Variants in KIFAP3 observed in about 807,000 individuals in gnomAD.
The protein encoded by KIFAP3 is kinesin-associated protein 3.
A neutral mutation model predicts 106.5 loss-of-function variants in KIFAP3; 68 were observed. The observed-to-expected ratio is 0.64, with a 90% CI of 0.53 to 0.78. The LOEUF (loss-of-function observed/expected upper bound fraction) is 0.78. Among genes scored for constraint, KIFAP3 ranks in the 30% least tolerant of loss-of-function variants. The pLI is 0.00. For missense variants in KIFAP3, 780 were observed against 941.8 expected (o/e 0.83, Z 2.25); for synonymous variants, 320 against 311.5 (o/e 1.03, Z -0.29).
In KIFAP3 at chr1:170,059,570, C is replaced by T. The variant is rs1019081958; in HGVS notation, c.33-4134G>A. ...GTCCAGGACCAGATGGATTCACAGC[C>T]GAATTCTACCAGAGGTACAAGGAGG... On this transcript the variant is annotated intron_variant, in intron 1 of 19. Transcript: ENST00000361580. 1.6e-4 allele frequency among the ~76,000 whole-genome samples: 24 copies of T among 152,046 alleles called. 1 individual carries two copies. The highest frequency in any genetic ancestry group is 3.1e-4 in the Non-Finnish European group (21 of 68,020).
chr1:170,075,311 A>T (rs1671877703), upstream of KIFAP3, among the ~76,000 whole-genome samples: 2 of 152,176 alleles, frequency 1.3e-5, no homozygotes, highest in Admixed American at 6.5e-5. Context: ...ATCTATTCCC[A>T]TGGGTTCAGC....
chr1:169,979,324 G>A (rs901637079), intron 15 of KIFAP3, among the ~76,000 whole-genome samples: 1 of 152,082 alleles, frequency 6.6e-6, no homozygotes, highest in Non-Finnish European at 1.5e-5. Context: ...AACTGACTGT[G>A]AGAAGAGTGT....
chr1:170,037,567 T>G (rs1571709549), intron 5 of KIFAP3, among the ~76,000 whole-genome samples: 1 of 137,572 alleles, frequency 7.3e-6, no homozygotes, highest in South Asian at 2.3e-4. Context: ...CTGTCTCTAC[T>G]AAAAAAAAAA....
chr1:170,020,529 G>A (rs1668755736), intron 9 of KIFAP3, among the ~76,000 whole-genome samples: 1 of 152,048 alleles, frequency 6.6e-6, no homozygotes, highest in Non-Finnish European at 1.5e-5. Flanking sequence ...CTCACTGCAA[G>A]CTCTGCCTCC....
intron 3 of KIFAP3, among the ~76,000 whole-genome samples, chr1:170,045,604 A>C (rs568251934): frequency 1.3e-5 from 2 of 152,344 alleles, no homozygotes; most frequent in South Asian, 2.1e-4. Flanking sequence ...GTTTCAAAAG[A>C]AACTATAGTA....
rs1428703957 is a variant in KIFAP3, at chr1:170,046,745, G to C, written c.286C>G (p.Leu96Val). The C allele has an allele frequency of 6.3e-6, 10 of 1,595,612 alleles. No individual in the cohort carries two copies. Among genetic ancestry groups the C allele is most frequent in the Non-Finnish European group, 8.5e-6 (10 of 1,170,790 alleles). The change falls in exon 3 of 20, where the codon CTA becomes GTA. Residue 96 changes from leucine (L) to valine (V), a missense_variant. Coordinates refer to ENST00000361580, the MANE Select transcript of KIFAP3 (RefSeq NM_014970.4). ...GACAATGAATCACGGCGGTTCTGTA[G>C]ATAGTACAACAGCTGTTCTACCTCA... Reference protein sequence around the residue: ...LNEVEQLLYYLQNRRDSLSGK... With the variant: ...LNEVEQLLYYVQNRRDSLSGK...
intron 19 of KIFAP3, among the ~76,000 whole-genome samples, chr1:169,934,050 GTTA>G (rs2101792733): frequency 6.6e-6 from 1 of 152,230 alleles, no homozygotes; most frequent in African/African-American, 2.4e-5. Context: ...ATTTGGTGGT[GTTA>G]TTGTTATGAC....
At chr1:170,054,346 T>C (rs2102118175) in intron 2 of KIFAP3, among the ~76,000 whole-genome samples, 1 of 152,228 alleles carries the variant, frequency 6.6e-6, no homozygotes, top group Non-Finnish European at 1.5e-5. Context: ...TGGCAGATGC[T>C]GCTCAGGCTG....
chr1:170,019,795 C>T (rs1668714204), intron 9 of KIFAP3, among the ~76,000 whole-genome samples: 3 of 152,174 alleles, frequency 2.0e-5, no homozygotes, highest in Admixed American at 2.0e-4. Flanking sequence ...TAGCCGCTCA[C>T]ACGATTCCTC....
intron 10 of KIFAP3, among the ~76,000 whole-genome samples, chr1:170,015,198 T>G (rs1557838363): frequency 1.3e-5 from 2 of 152,166 alleles, no homozygotes; most frequent in Non-Finnish European, 2.9e-5. Context: ...AGGCAATTAT[T>G]TAATAAAAGT....
chr1:169,945,062 C>T (rs1664360156), intron 19 of KIFAP3, among the ~76,000 whole-genome samples: 1 of 152,132 alleles, frequency 6.6e-6, no homozygotes, highest in African/African-American at 2.4e-5. Flanking sequence ...GCAGCCCATA[C>T]TAAGCCACCT....
chr1:169,933,958 TAAG>T (rs746151310), intron 19 of KIFAP3, among the ~76,000 whole-genome samples: 128 of 152,262 alleles, frequency 8.4e-4, no homozygotes, highest in Non-Finnish European at 1.4e-3. Context: ...CTTTGTAAAA[TAAG>T]AATAATGGCT....
chr1:170,060,596 T>G (rs887466739), intron 1 of KIFAP3, among the ~76,000 whole-genome samples: 1 of 152,210 alleles, frequency 6.6e-6, no homozygotes, highest in Non-Finnish European at 1.5e-5. Context: ...CTAGGTAATT[T>G]ATAGATTCAA....
chr1:170,024,539 C>T lies in KIFAP3; in HGVS notation c.899G>A (p.Arg300Lys), dbSNP rs746405651. 3 of 1,603,590 alleles carry T rather than the reference C, an allele frequency of 1.9e-6. No individual in the cohort carries two copies. The South Asian group carries it at 3.4e-5, about 18-fold the overall frequency. The change falls in exon 9 of 20, where the codon AGG (arginine) becomes AAG (lysine). Residue 300 changes from arginine (R) to lysine (K), a missense_variant. Coordinates refer to ENST00000361580, the MANE Select transcript of KIFAP3 (RefSeq NM_014970.4). ...CAACATGTGAACTATGTTCTTGTTC[C>T]TCATTTTCAGTTCGGTACGAGTATC... ...AEDTRTELKMRNKNIVHMLVK... is the reference protein window; with the variant it reads ...AEDTRTELKMKNKNIVHMLVK...
Position 169,984,707 on chromosome 1 carries a change from G to A in KIFAP3, c.1285-17C>T. 2.1e-6 allele frequency: 3 copies of A among 1,396,990 alleles called. No homozygotes were observed. The highest frequency in any genetic ancestry group is 1.8e-5 in the Admixed American group (1 of 55,068). 86.5% of individuals were successfully genotyped at this position (1,396,990 alleles called of 1,614,324 possible). A position where few individuals can be genotyped will look rare whatever the true frequency, so the allele number is the denominator to read the frequency against. ...CTTCATTAACTAGCAAGAAGCACAG[G>A]GCACATTTTACTCAAGAAACAAAGA... On this transcript the variant is annotated splice_polypyrimidine_tract_variant and intron_variant, in intron 11 of 19. Transcript: ENST00000361580.
intron 1 of KIFAP3, among the ~76,000 whole-genome samples, chr1:170,056,379 GC>G (rs1254346213): frequency 6.6e-6 from 1 of 152,102 alleles, no homozygotes; most frequent in Non-Finnish European, 1.5e-5. Flanking sequence ...CTTTCTTCAA[GC>G]CAATAAAGTC....
chr1:170,029,817 T>C (rs1468240711), intron 8 of KIFAP3, among the ~76,000 whole-genome samples: 1 of 151,822 alleles, frequency 6.6e-6, no homozygotes, highest in East Asian at 1.9e-4. Flanking sequence ...AACCCAAAAA[T>C]AGGCATGACA....
At chr1:170,000,694 T>G (rs181830200) in intron 10 of KIFAP3, among the ~76,000 whole-genome samples, 1 of 152,272 alleles carries the variant, frequency 6.6e-6, no homozygotes, top group East Asian at 1.9e-4. Flanking sequence ...TATAAACAGA[T>G]AGCCTTAGTT....
At chr1:170,018,607 TTAATCAAAGGATTTATG>T (rs1668644235) in intron 9 of KIFAP3, among the ~76,000 whole-genome samples, 2 of 149,834 alleles carry the variant, frequency 1.3e-5, no homozygotes, top group Non-Finnish European at 2.9e-5. Flanking sequence ...CTTTGATTAT[TTAATCAAAGGATTTATG>T]ATTAATCTTG....
Sources: gnomAD v4.1 joint callset for allele counts (sites outside exome capture counted in the v4.1 genomes callset) on GRCh38, gnomAD v4.1.1 for gene constraint, MANE v1.5 for transcripts, NCBI Gene and HGNC (gene_info 2026-07-23, HGNC 2026-07-21) for gene names.